The following GPC5 variants were observed in gnomAD, a reference collection of about 807,000 sequenced individuals.
GPC5 encodes the protein glypican 5.
GPC5 carries 47 observed loss-of-function variants against 53.9 expected under a neutral mutation model. The observed-to-expected ratio is 0.87, with a 90% CI of 0.69 to 1.11. The LOEUF (loss-of-function observed/expected upper bound fraction) is 1.11, where lower values mean the gene tolerates loss of function less well. Ranked by LOEUF, GPC5 falls within the 50% of genes most tolerant of loss-of-function variation. GPC5 has a pLI of 0.00. For synonymous variants in GPC5, 286 were observed against 263.3 expected, an observed-to-expected ratio of 1.09 and a Z score of -0.84; for missense variants, 748 against 713.1, an observed-to-expected ratio of 1.05 and a Z score of -0.56.
At chr13:92,784,099 G>A (rs1876129605) in intron 7 of GPC5, among the ~76,000 whole-genome samples, 1 of 152,088 alleles carries the variant, frequency 6.6e-6, no homozygotes, top group African/African-American at 2.4e-5. Flanking sequence ...TGTTTCATGG[G>A]AAATATCAGC....
chr13:92,764,748 T>C (rs975973712), intron 7 of GPC5, among the ~76,000 whole-genome samples: 2 of 152,246 alleles, frequency 1.3e-5, no homozygotes, highest in Middle Eastern at 3.4e-3. Flanking sequence ...GAAATGTAAT[T>C]ATTTATTCAT....
chr13:91,690,791 C>A (rs2035740961), intron 2 of GPC5, among the ~76,000 whole-genome samples: 1 of 152,122 alleles, frequency 6.6e-6, no homozygotes, highest in Non-Finnish European at 1.5e-5. Flanking sequence ...ACCTTTATTC[C>A]ACTAAGAATA....
At chr13:92,360,978 T>C (rs1272408217) in intron 7 of GPC5, among the ~76,000 whole-genome samples, 1 of 151,570 alleles carries the variant, frequency 6.6e-6, no homozygotes, top group East Asian at 1.9e-4. Context: ...AAATAACAAA[T>C]GACAATTCAA....
chr13:92,697,068 G>T (rs9523778), intron 7 of GPC5, among the ~76,000 whole-genome samples: 80,965 of 149,244 alleles, frequency 0.54, 22,811 homozygotes, highest in East Asian at 0.83. Context: ...TATCTGTTTT[G>T]GTAGCAGTAC....
intron 6 of GPC5, among the ~76,000 whole-genome samples, chr13:91,928,165 C>G (rs916952537): frequency 1.3e-5 from 2 of 151,282 alleles, no homozygotes; most frequent in Non-Finnish European, 2.9e-5. Flanking sequence ...ACAAGAAGAA[C>G]AATATTTCTA....
chr13:92,449,246 T>C (rs1265846692), intron 7 of GPC5, among the ~76,000 whole-genome samples: 3 of 152,128 alleles, frequency 2.0e-5, no homozygotes, highest in African/African-American at 7.2e-5. Context: ...GTATATGCAG[T>C]TCCAATTTCT....
rs1325760077 is a variant in GPC5 at position 92,861,701 on chromosome 13, T to C, written c.1562-4581T>C. On this transcript the variant is annotated intron_variant, in intron 7 of 7. Transcript: ENST00000377067. ...GTGGTGTTTTTTGTTGTACCAAAGGTTCTTTTCTTGTGTGATATCAAAACT... is the reference window on the plus strand; with the variant it reads ...GTGGTGTTTTTTGTTGTACCAAAGGCTCTTTTCTTGTGTGATATCAAAACT... Among the ~76,000 whole-genome samples, 5 of 152,266 alleles carry C rather than the reference T, an allele frequency of 3.3e-5. No homozygotes were observed. The South Asian group carries it at 8.3e-4, about 25-fold the overall frequency.
chr13:92,391,573 T>A (rs1242957085), intron 7 of GPC5, among the ~76,000 whole-genome samples: 2 of 152,208 alleles, frequency 1.3e-5, no homozygotes, highest in Non-Finnish European at 2.9e-5. Context: ...AAGGCTCTAT[T>A]TTGTAGTTGA....
At chr13:92,778,964 T>TACACACACACAC (rs745380152) in intron 7 of GPC5, among the ~76,000 whole-genome samples, 2 of 140,444 alleles carry the variant, frequency 1.4e-5, no homozygotes, top group South Asian at 5.0e-4. Context: ...ATGTGCAAGA[T>TACACACACACAC]ATACACACAC....
At chr13:92,620,225 G>C (rs1884827005) in intron 7 of GPC5, among the ~76,000 whole-genome samples, 1 of 151,790 alleles carries the variant, frequency 6.6e-6, no homozygotes, top group Non-Finnish European at 1.5e-5. Context: ...TACACAACTA[G>C]AAACTCAAGA....
intron 7 of GPC5, among the ~76,000 whole-genome samples, chr13:92,766,799 A>G (rs1010221034): frequency 2.9e-4 from 44 of 152,232 alleles, no homozygotes; most frequent in Admixed American, 5.9e-4. Flanking sequence ...CCTGCAATTA[A>G]TTCAATTGAC....
rs533740308 is a variant in GPC5, at chr13:92,525,888, G to A, written c.1562-340394G>A. On this transcript the variant is annotated intron_variant, in intron 7 of 7. Coordinates refer to ENST00000377067, the MANE Select transcript of GPC5 (RefSeq NM_004466.6). ...TTTCCCTTATCAACTCCTTTCTTAG[G>A]CACAATGTTTACTGTTCTTTCCAAC... Among the ~76,000 whole-genome samples the A allele has an allele frequency of 1.0e-3, 155 of 152,068 alleles. 4 individuals are homozygous for A. The South Asian group carries it at 0.013, about 12-fold the overall frequency.
intron 4 of GPC5, 115 bp downstream of exon 4, chr13:91,728,780 AG>A (rs2036632271): frequency 9.8e-7 from 1 of 1,021,616 alleles, no homozygotes; most frequent in South Asian, 2.4e-5. Flanking sequence ...AAAAAAAAAA[AG>A]GATCAATATT....
intron 5 of GPC5, among the ~76,000 whole-genome samples, chr13:91,780,090 C>A (rs557321407): frequency 6.6e-6 from 1 of 152,126 alleles, no homozygotes; most frequent in South Asian, 2.1e-4. Flanking sequence ...ATGTGAGTAA[C>A]ATTGCACTAT....
intron 1 of GPC5, among the ~76,000 whole-genome samples, chr13:91,400,132 A>G (rs7328355): frequency 0.77 from 116,779 of 152,064 alleles, 45,140 homozygotes; most frequent in Admixed American, 0.81. Flanking sequence ...CACTAGAGCC[A>G]TGCACCCCTT....
chr13:92,502,269 G>A (rs1880214017), intron 7 of GPC5, among the ~76,000 whole-genome samples: 2 of 151,856 alleles, frequency 1.3e-5, no homozygotes, highest in African/African-American at 4.8e-5. Context: ...TAAAAAAGAT[G>A]TTGGAATAAC....
chr13:91,600,460 C>A (rs1031668863), intron 2 of GPC5, among the ~76,000 whole-genome samples: 2 of 150,296 alleles, frequency 1.3e-5, no homozygotes, highest in African/African-American at 2.5e-5. Flanking sequence ...CCAGCCTGGG[C>A]AACAGAGTGA....
chr13:91,633,459 C>T (rs1431989813), intron 2 of GPC5, among the ~76,000 whole-genome samples: 1 of 152,038 alleles, frequency 6.6e-6, no homozygotes, highest in East Asian at 1.9e-4. Flanking sequence ...GAGTGTGGAG[C>T]CACTGTCATA....
chr13:92,428,452 T>A (rs1876939071), intron 7 of GPC5, among the ~76,000 whole-genome samples: 1 of 152,042 alleles, frequency 6.6e-6, no homozygotes, highest in Admixed American at 6.6e-5. Flanking sequence ...TGCCTCCGAT[T>A]GGTCCATATT....
Sources: allele counts gnomAD v4.1 joint callset (sites outside exome capture counted in the v4.1 genomes callset), GRCh38; gene constraint gnomAD v4.1.1; transcripts MANE v1.5; gene names NCBI Gene and HGNC (gene_info 2026-07-23, HGNC 2026-07-21).